Variants in DGKG observed in about 807,000 individuals in gnomAD.
The protein encoded by DGKG is diacylglycerol kinase gamma.
Under a neutral mutation model 105.3 loss-of-function variants are expected in DGKG, and 78 were observed. The ratio of observed to expected loss-of-function variants is 0.74; its 90% confidence interval spans 0.62 to 0.89. The LOEUF (loss-of-function observed/expected upper bound fraction) is 0.89. Among genes scored for constraint, DGKG ranks in the 40% least tolerant of loss-of-function variants. DGKG has a pLI of 0.00. For synonymous variants in DGKG, 346 were observed against 367.1 expected (o/e 0.94, Z 0.66); for missense variants, 958 against 1,020.1 (o/e 0.94, Z 0.83).
chr3:186,327,975 C>T (rs1725429064), intron 1 of DGKG, among the ~76,000 whole-genome samples: 1 of 152,176 alleles, frequency 6.6e-6, no homozygotes, highest in South Asian at 2.1e-4. Flanking sequence ...TTCTCACCCC[C>T]ATTACCTCCT....
intron 3 of DGKG, among the ~76,000 whole-genome samples, chr3:186,305,311 G>A (rs1724176172): frequency 6.6e-6 from 1 of 152,156 alleles, no homozygotes. Flanking sequence ...TAAGATAATG[G>A]ACAATGTGAT....
intron 5 of DGKG, among the ~76,000 whole-genome samples, chr3:186,290,804 C>T (rs1163813157): frequency 6.6e-6 from 1 of 152,172 alleles, no homozygotes; most frequent in Non-Finnish European, 1.5e-5. Flanking sequence ...CTTTGAGTAA[C>T]AGCAGAGAGT....
intron 20 of DGKG, among the ~76,000 whole-genome samples, chr3:186,234,220 C>T (rs753279503): frequency 9.9e-5 from 15 of 152,210 alleles, no homozygotes; most frequent in Non-Finnish European, 1.9e-4. Context: ...ATGATCACTT[C>T]TCTCTAAGGC....
At chr3:186,224,053 T>A (rs1560103084) in intron 20 of DGKG, among the ~76,000 whole-genome samples, 1 of 152,242 alleles carries the variant, frequency 6.6e-6, no homozygotes, top group African/African-American at 2.4e-5. Context: ...CGCCTCTTAT[T>A]TGTAGCTTGC....
intron 5 of DGKG, 137 bp from the exon 6 acceptor site, chr3:186,289,017 G>A: frequency 1.2e-6 from 1 of 802,636 alleles, no homozygotes; most frequent in Non-Finnish European, 1.9e-6. Flanking sequence ...TTACATAGAT[G>A]TGACCAAATT....
chr3:186,299,117 T>C (rs1315888149), intron 3 of DGKG, among the ~76,000 whole-genome samples: 1 of 152,244 alleles, frequency 6.6e-6, no homozygotes, highest in African/African-American at 2.4e-5. Flanking sequence ...GAGTCATCAC[T>C]GGCTTGTGCT....
Position 186,226,278 on chromosome 3 carries a change from C to T in DGKG, c.1827-14393G>A, listed in dbSNP as rs1048671105. 5.9e-5 allele frequency among the ~76,000 whole-genome samples: 9 copies of T among 152,196 alleles called. No individual in the cohort carries two copies. Among genetic ancestry groups the T allele is most frequent in the African/African-American group, 1.7e-4 (7 of 41,436 alleles). On this transcript the variant is annotated intron_variant, in intron 20 of 24. Transcript: ENST00000265022. The surrounding 1 kb of genome is among the most constrained non-coding windows in gnomAD (Gnocchi z 4.2). ...TCCAATCCTTCAAATTTCTTCTTTTCTAACCCATCAGCTGTTAACCATTTC... is the reference window on the plus strand; with the variant it reads ...TCCAATCCTTCAAATTTCTTCTTTTTTAACCCATCAGCTGTTAACCATTTC...
At chr3:186,319,861 C>G (rs1306000941) in intron 2 of DGKG, among the ~76,000 whole-genome samples, 1 of 152,182 alleles carries the variant, frequency 6.6e-6, no homozygotes, top group Non-Finnish European at 1.5e-5. Context: ...AAAACAAAGT[C>G]AAGAAAGAAA....
intron 2 of DGKG, among the ~76,000 whole-genome samples, chr3:186,310,289 A>AAAAAAAC (rs1724473778): frequency 7.3e-6 from 1 of 136,368 alleles, no homozygotes; most frequent in Non-Finnish European, 1.6e-5. Flanking sequence ...AAAAAAAAAA[A>AAAAAAAC]CCACACACAC....
chr3:186,346,501 AAG>A (rs1276943588), intron 1 of DGKG, among the ~76,000 whole-genome samples: 1 of 152,094 alleles, frequency 6.6e-6, no homozygotes, highest in East Asian at 1.9e-4. Flanking sequence ...TTCATTCTTA[AAG>A]AAGGAAGCAT....
rs1560143794 is a variant in DGKG, at chr3:186,302,533, CATATGTATATAT to C, written c.145-4316_145-4305del. 1.6e-3 allele frequency among the ~76,000 whole-genome samples: 47 copies of C among 30,252 alleles called. 1 individual carries two copies. Among genetic ancestry groups the C allele is most frequent in the African/African-American group, 8.9e-3 (45 of 5,060 alleles). The allele number at this position is 30,252 out of a possible 152,430, so 19.8% of individuals were successfully genotyped here. Reference sequence around the variant, plus strand: ...ATATGTGTATATATATATATATATACATATGTATATATATATATATATATACACATATGTATA... The same window carrying C: ...ATATGTGTATATATATATATATATACATATATATATATACACATATGTATA... On this transcript the variant is annotated intron_variant, in intron 3 of 24. Coordinates refer to ENST00000265022, the MANE Select transcript of DGKG (RefSeq NM_001346.3).
At chr3:186,297,831 C>T (rs954916516) in intron 4 of DGKG, among the ~76,000 whole-genome samples, 3 of 115,018 alleles carry the variant, frequency 2.6e-5, no homozygotes, top group South Asian at 2.8e-4. Flanking sequence ...CCCCATCCTG[C>T]TCTTTGATCC....
intron 2 of DGKG, among the ~76,000 whole-genome samples, chr3:186,317,136 T>G (rs1724855805): frequency 6.6e-6 from 1 of 152,220 alleles, no homozygotes; most frequent in African/African-American, 2.4e-5. Flanking sequence ...TCCCTCCGCC[T>G]GCTCAGCGGC....
chr3:186,314,019 A>G (rs1176803534), intron 2 of DGKG, among the ~76,000 whole-genome samples: 1 of 152,176 alleles, frequency 6.6e-6, no homozygotes, highest in Non-Finnish European at 1.5e-5. Context: ...ACAGTTTTGT[A>G]TTTTGAACTG....
chr3:186,158,941 A>G, intron 24 of DGKG: 1 of 555,652 alleles, frequency 1.8e-6, no homozygotes, highest in African/African-American at 2.0e-5. Context: ...AATTAACATT[A>G]CTATGTCTTC....
At chr3:186,173,183 C>T (rs988758042) in intron 22 of DGKG, among the ~76,000 whole-genome samples, 1 of 152,182 alleles carries the variant, frequency 6.6e-6, no homozygotes, top group Middle Eastern at 3.2e-3. Flanking sequence ...GGCTCTGTCT[C>T]CAAATACAGT....
intron 20 of DGKG, among the ~76,000 whole-genome samples, chr3:186,228,500 TCA>T (rs1258884009): frequency 1.3e-5 from 2 of 152,216 alleles, no homozygotes; most frequent in Non-Finnish European, 2.9e-5. Context: ...ATGGATACCC[TCA>T]CTGTCCACTC....
At chr3:186,282,608 G>T (rs1416134079) in intron 7 of DGKG, among the ~76,000 whole-genome samples, 3 of 152,058 alleles carry the variant, frequency 2.0e-5, no homozygotes, top group East Asian at 1.9e-4. Flanking sequence ...CACCTCCTGG[G>T]TTCAAGTGAT....
At chr3:186,359,979 C>T (rs1727150748) in intron 1 of DGKG, among the ~76,000 whole-genome samples, 1 of 152,184 alleles carries the variant, frequency 6.6e-6, no homozygotes, top group Non-Finnish European at 1.5e-5. Context: ...CCCTTTTCCC[C>T]CTTCTCTTCC....
Sources: allele counts gnomAD v4.1 joint callset (sites outside exome capture counted in the v4.1 genomes callset), GRCh38; gene constraint gnomAD v4.1.1; non-coding constraint Gnocchi (gnomAD v3.1); transcripts MANE v1.5; gene names NCBI Gene and HGNC (gene_info 2026-07-23, HGNC 2026-07-21).